The following HEATR5B variants were observed in gnomAD, a reference collection of about 807,000 sequenced individuals.
The protein encoded by HEATR5B is HEAT repeat containing 5B.
In HEATR5B, 156 loss-of-function variants were observed where a neutral mutation model predicts 224.1. The observed-to-expected ratio is 0.70, with a 90% CI of 0.61 to 0.80. HEATR5B has a LOEUF of 0.80. Ranked by LOEUF, HEATR5B falls within the 30% of genes least tolerant of loss-of-function variation. HEATR5B has a pLI of 0.00. For missense variants in HEATR5B, 2,323 were observed against 2,535.5 expected (o/e 0.92, Z 1.80); for synonymous variants, 1,027 against 893.0 (o/e 1.15, Z -2.68).
chr2:37,035,614 G>GT (rs1159897307), intron 21 of HEATR5B, among the ~76,000 whole-genome samples: 1 of 152,098 alleles, frequency 6.6e-6, no homozygotes, highest in Non-Finnish European at 1.5e-5. Context: ...CTTAGCTTCT[G>GT]TGAACAACAC....
intron 18 of HEATR5B, among the ~76,000 whole-genome samples, chr2:37,047,511 AT>A: frequency 6.6e-6 from 1 of 152,338 alleles, no homozygotes; most frequent in Admixed American, 6.5e-5. Context: ...AATCTTAGAT[AT>A]AAGAATATAC....
chr2:36,988,990 T>C (rs191963276), intron 34 of HEATR5B, 131 bp from the exon 35 acceptor site: 5 of 659,592 alleles, frequency 7.6e-6, no homozygotes, highest in Non-Finnish European at 1.3e-5. Flanking sequence ...ATTTTCTACT[T>C]AGAGAAATGG....
rs772512486 is a variant in HEATR5B at position 37,013,948 on chromosome 2, C to G, written c.4177G>C (p.Val1393Leu). The G allele has an allele frequency of 1.2e-6, 2 of 1,612,830 alleles. No individual in the cohort carries two copies. The change falls in exon 27 of 36, where the codon GTT (valine) becomes CTT (leucine). Residue 1393 changes from valine (V) to leucine (L), a missense_variant. Physicochemically the swap from Val to Leu is conservative, Grantham distance 32. Transcript: ENST00000233099. ...GCCTGAACTTTGTCCAGAGAAGAAA[C>G]AAGAAGATTGTGTACTCGACGGAGA... ...NDLRRVHNLL[V>L]SSLDKVQAGK...
intron 13 of HEATR5B, 145 bp downstream of exon 13, chr2:37,058,743 C>G (rs1558357254): frequency 3.0e-6 from 2 of 665,606 alleles, no homozygotes; most frequent in South Asian, 4.4e-5. Context: ...TCAATCCACA[C>G]CATTGCTGTA....
At chr2:37,022,078 T>C (rs1247797162) in intron 24 of HEATR5B, among the ~76,000 whole-genome samples, 2 of 152,082 alleles carry the variant, frequency 1.3e-5, no homozygotes, top group Non-Finnish European at 2.9e-5. Flanking sequence ...CCTGTGTTTT[T>C]TCCCAGGTGA....
Position 36,988,787 on chromosome 2 carries a change from T to C in HEATR5B, c.5770A>G (p.Ile1924Val), listed in dbSNP as rs1194262322. The change falls in exon 35 of 36, where the codon ATT becomes GTT. Residue 1924 changes from isoleucine (I) to valine (V), a missense_variant. Ile to Val is a conservative substitution (Grantham distance 29). This residue lies in a region of HEATR5B where 844 missense variants were observed against 812.9 expected (regional missense o/e 1.04). Transcript: ENST00000233099. ...ACCACTATTGGAGCTAATGAATGAA[T>C]ATAAGGAGTTGAAAGGGCACGATTG... is the stretch of plus-strand genomic sequence containing the variant. ...HSNRALSTPY[I>V]HSLAPIVVEK... 3 of 1,614,068 alleles carry C rather than the reference T, an allele frequency of 1.9e-6. No homozygotes were observed. Among genetic ancestry groups the C allele is most frequent in the East Asian group, 2.2e-5 (1 of 44,864 alleles).
At chr2:37,059,402 GTA>G (rs1174989065) in intron 12 of HEATR5B, among the ~76,000 whole-genome samples, 398 of 109,114 alleles carry the variant, frequency 3.6e-3, no homozygotes, top group African/African-American at 0.01. Context: ...AGATATATAT[GTA>G]TATGTGTGTG....
intron 13 of HEATR5B, 127 bp from the exon 14 acceptor site, chr2:37,058,687 T>A: frequency 1.4e-6 from 1 of 716,492 alleles, no homozygotes; most frequent in Non-Finnish European, 2.4e-6. Flanking sequence ...TTAGCTTATG[T>A]TGTGATCTTT....
chr2:37,072,362 C>T, intron 5 of HEATR5B, 81 bp from the exon 6 acceptor site: 1 of 973,160 alleles, frequency 1.0e-6, no homozygotes, highest in East Asian at 2.5e-5. Flanking sequence ...AGACTTACCA[C>T]CTCTCCTGAG....
At chr2:37,056,774 G>A (rs1670938104) in intron 15 of HEATR5B, among the ~76,000 whole-genome samples, 159 bp from the exon 16 acceptor site, 1 of 152,128 alleles carries the variant, frequency 6.6e-6, no homozygotes, top group Non-Finnish European at 1.5e-5. Context: ...ATGTAATTTG[G>A]TCATTAAAAA....
At chr2:37,022,913 A>C (rs1170219438) in intron 24 of HEATR5B, among the ~76,000 whole-genome samples, 1 of 152,188 alleles carries the variant, frequency 6.6e-6, no homozygotes, top group Non-Finnish European at 1.5e-5. Flanking sequence ...ACATCTAATA[A>C]AAAATTACCA....
chr2:37,000,155 G>A (rs191783626), intron 33 of HEATR5B, among the ~76,000 whole-genome samples: 118 of 151,672 alleles, frequency 7.8e-4, no homozygotes, highest in Non-Finnish European at 1.5e-3. Context: ...TTGGCTCACC[G>A]CAACCTCCAC....
Position 37,049,850 on chromosome 2 carries a change from T to TA in HEATR5B, c.2506-8dup, listed in dbSNP as rs60184195. 41,613 of 995,252 alleles carry TA rather than the reference T, an allele frequency of 0.042. 579 individuals carry two copies. The highest frequency in any genetic ancestry group is 0.13 in the African/African-American group (6,279 of 47,352). The allele number at this position is 995,252 out of a possible 1,614,324, so 61.7% of individuals were successfully genotyped here. A position where few individuals can be genotyped will look rare whatever the true frequency, so the allele number is the denominator to read the frequency against. On this transcript the variant is annotated splice_polypyrimidine_tract_variant and splice_region_variant and intron_variant, in intron 17 of 35. Transcript: ENST00000233099. ...TTTTGTTTTCAGCTAAGCCCTACAT[T>TA]AAAAAAAAAAAAAAAAAAAAGACAG...
chr2:37,050,962 A>G (rs986501786), intron 17 of HEATR5B, among the ~76,000 whole-genome samples: 2 of 152,140 alleles, frequency 1.3e-5, no homozygotes, highest in Non-Finnish European at 2.9e-5. Flanking sequence ...AATCACTTGA[A>G]TCCGGGAGGC....
intron 27 of HEATR5B, 83 bp downstream of exon 27, chr2:37,013,758 T>G: frequency 7.8e-7 from 1 of 1,278,670 alleles, no homozygotes; most frequent in Non-Finnish European, 1.1e-6. Context: ...AAACAAAAAT[T>G]TTTTTACCAA....
rs771884672 is a variant in HEATR5B at position 36,990,728 on chromosome 2, T to C, written c.5617A>G (p.Asn1873Asp). The C allele has an allele frequency of 3.1e-6, 5 of 1,612,492 alleles. No individual in the cohort carries two copies. In the African/African-American group the frequency reaches 5.3e-5, roughly 17 times the overall value. Residue 1873 changes from asparagine (N) to aspartate (D), a missense_variant, in exon 34 of 36, where the codon AAT becomes GAT. By Grantham distance (23) the Asn-to-Asp change is conservative. This residue lies in a region of HEATR5B where 844 missense variants were observed against 812.9 expected (regional missense o/e 1.04). Transcript: ENST00000233099. ...AATGACTGGACTCCTATTATTTCAT[T>C]ACTAGCAGACCACAGGAAGAGTGCA... ...AIALFLWSASNEIIGVQSLQN... is the reference protein window; with the variant it reads ...AIALFLWSASDEIIGVQSLQN...
chr2:36,996,377 G>A (rs1666712145), intron 33 of HEATR5B, among the ~76,000 whole-genome samples: 1 of 150,938 alleles, frequency 6.6e-6, no homozygotes, highest in Non-Finnish European at 1.5e-5. Context: ...TCTTTTATAT[G>A]CTTGGTGGCC....
chr2:37,059,715 T>C (rs12712525), intron 12 of HEATR5B, among the ~76,000 whole-genome samples: 57,949 of 151,610 alleles, frequency 0.38, 11,456 homozygotes, highest in African/African-American at 0.48. Context: ...CCGCCTTGGC[T>C]TCCCAAAGTG....
intron 33 of HEATR5B, among the ~76,000 whole-genome samples, chr2:36,992,555 T>G (rs1666402542): frequency 6.6e-6 from 1 of 152,054 alleles, no homozygotes; most frequent in Admixed American, 6.6e-5. Context: ...CACTCCAGCC[T>G]GGGTGACAGA....
Sources: allele counts gnomAD v4.1 joint callset (sites outside exome capture counted in the v4.1 genomes callset), GRCh38; gene constraint gnomAD v4.1.1; regional missense constraint gnomAD v4.1.1; transcripts MANE v1.5; gene names NCBI Gene and HGNC (gene_info 2026-07-23, HGNC 2026-07-21).